The following SLC14A2 variants were observed in gnomAD, a reference collection of about 807,000 sequenced individuals.
SLC14A2 encodes the protein urea transporter 2.
A neutral mutation model predicts 104.6 loss-of-function variants in SLC14A2; 91 were observed. The ratio of observed to expected loss-of-function variants is 0.87; its 90% CI spans 0.73 to 1.04. SLC14A2 has a LOEUF of 1.04. Ranked by LOEUF, SLC14A2 falls within the 50% of genes least tolerant of loss-of-function variation. The pLI, the probability that SLC14A2 is intolerant of heterozygous loss-of-function variation, is 0.00. For synonymous variants in SLC14A2, 476 were observed against 466.4 expected (o/e 1.02, Z -0.27); for missense variants, 1,189 against 1,156.0 (o/e 1.03, Z -0.41).
Position 45,673,735 on chromosome 18 carries a change from C to CA in SLC14A2, c.2432dup (p.Asn811LysfsTer40). The CA allele has an allele frequency of 3.1e-6, 5 of 1,614,190 alleles. No homozygotes were observed. The highest frequency in any genetic ancestry group is 4.2e-6 in the Non-Finnish European group (5 of 1,180,024). On this transcript the variant is annotated frameshift_variant, in exon 18 of 20. Transcript: ENST00000255226. LOFTEE classifies it high-confidence loss of function. ...CCATCTACTTCGGCCTGTGTGGCTT[C>CA]AACAGCACCCTCGCATGCATAGCGA...
At chr18:45,194,972 C>A in the SLC14A2 span, among the ~76,000 whole-genome samples, 1 of 152,088 alleles carries the variant, frequency 6.6e-6, no homozygotes, top group Non-Finnish European at 1.5e-5. Flanking sequence ...GAATAATACT[C>A]TTGGAGATCT....
the SLC14A2 span, among the ~76,000 whole-genome samples, chr18:45,191,850 A>C: frequency 5.0e-4 from 76 of 152,202 alleles, no homozygotes; most frequent in African/African-American, 1.7e-3. Flanking sequence ...TAGATCTGGA[A>C]ACCATATCTT....
At chr18:45,456,767 T>G (rs63418060) in intron 1 of SLC14A2, among the ~76,000 whole-genome samples, 1 of 129,806 alleles carries the variant, frequency 7.7e-6, no homozygotes, top group African/African-American at 2.8e-5. Flanking sequence ...TTTTTTTTTT[T>G]GGATGACCTT....
At chr18:45,454,206 G>T (rs1330312730) in intron 1 of SLC14A2, among the ~76,000 whole-genome samples, 3 of 152,136 alleles carry the variant, frequency 2.0e-5, no homozygotes, top group Admixed American at 6.5e-5. Flanking sequence ...CTGGGGAAGG[G>T]TGGGGAATCC....
chr18:45,510,954 T>A (rs541236432), intron 2 of SLC14A2, among the ~76,000 whole-genome samples: 1 of 152,338 alleles, frequency 6.6e-6, no homozygotes, highest in South Asian at 2.1e-4. Flanking sequence ...TAATAAGACT[T>A]CTTTTTCCCC....
rs2044259856 is a variant in SLC14A2 at position 45,565,930 on chromosome 18, T to C, written c.-34-58701T>C. Among the ~76,000 whole-genome samples the C allele has an allele frequency of 2.6e-5, 4 of 152,206 alleles. No homozygotes were observed. In the South Asian group the frequency reaches 8.3e-4, roughly 31 times the overall value. The stretch of plus-strand genomic sequence containing the variant: ...TACGCTGACACCTCAGCTCCAGCTC[T>C]ATCCCCAGATAAAGTCACAAGGCAC... On this transcript the variant is annotated intron_variant, in intron 2 of 20. Transcript: ENST00000586448.
chr18:45,362,821 G>GT (rs2085626154), intron 1 of SLC14A2, among the ~76,000 whole-genome samples: 1 of 152,202 alleles, frequency 6.6e-6, no homozygotes, highest in Non-Finnish European at 1.5e-5. Flanking sequence ...TCAGCCACAG[G>GT]TAAGTGGCCT....
chr18:45,533,535 G>T (rs562383229), intron 2 of SLC14A2, among the ~76,000 whole-genome samples: 1 of 152,010 alleles, frequency 6.6e-6, no homozygotes, highest in African/African-American at 2.4e-5. Context: ...CTGTGGGATC[G>T]GTGGTGATAT....
intron 2 of SLC14A2, among the ~76,000 whole-genome samples, chr18:45,536,281 C>G (rs946929640): frequency 3.3e-5 from 5 of 152,194 alleles, no homozygotes; most frequent in African/African-American, 9.7e-5. Context: ...TTCCCAGTAC[C>G]TGGGTACTCT....
At chr18:45,579,227 G>T (rs1252798589) in intron 2 of SLC14A2, among the ~76,000 whole-genome samples, 1 of 152,244 alleles carries the variant, frequency 6.6e-6, no homozygotes, top group Non-Finnish European at 1.5e-5. Context: ...CTCTTGATAA[G>T]AAATGCTACA....
chr18:45,665,688 C>CTTTCTTTTTTTTTT (rs371437384), intron 11 of SLC14A2, among the ~76,000 whole-genome samples: 1 of 79,296 alleles, frequency 1.3e-5, no homozygotes, highest in African/African-American at 5.5e-5. Context: ...AACCAAGTTT[C>CTTTCTTTTTTTTTT]TTTTTTTTTT....
rs149023453 is a variant in SLC14A2, at chr18:45,525,102, C to G, written c.-35+41780C>G. ...AAGGATACCTCTTGGGGGTAATTCC[C>G]AAGATGTTTTTGAAATCTTTGCATA... On this transcript the variant is annotated intron_variant, in intron 2 of 20. Coordinates refer to the SLC14A2 transcript ENST00000586448. Among the ~76,000 whole-genome samples, 503 of 149,162 alleles carry G rather than the reference C, an allele frequency of 3.4e-3. 1 individual carries two copies. The highest frequency in any genetic ancestry group is 0.014 in the Middle Eastern group (4 of 294).
chr18:45,492,535 C>T (rs187204492), intron 2 of SLC14A2, among the ~76,000 whole-genome samples: 2 of 152,246 alleles, frequency 1.3e-5, no homozygotes, highest in East Asian at 3.9e-4. Flanking sequence ...GAAGAAACTG[C>T]CCCCATAATC....
intron 1 of SLC14A2, among the ~76,000 whole-genome samples, chr18:45,379,386 T>C (rs755862513): frequency 6.6e-6 from 1 of 152,206 alleles, no homozygotes; most frequent in Non-Finnish European, 1.5e-5. Flanking sequence ...CTTCTGTGTG[T>C]GGCCTTTCCC....
intron 10 of SLC14A2, among the ~76,000 whole-genome samples, chr18:45,649,180 A>AAAAAAC (rs10693896): frequency 0.54 from 80,968 of 150,942 alleles, 22,353 homozygotes; most frequent in African/African-American, 0.68. Flanking sequence ...TCTCAAAAAC[A>AAAAAAC]AAAAACAAAA....
intron 2 of SLC14A2, among the ~76,000 whole-genome samples, chr18:45,515,158 T>C (rs529857416): frequency 2.0e-5 from 3 of 152,322 alleles, no homozygotes; most frequent in South Asian, 4.1e-4. Flanking sequence ...AAGTAGTTTG[T>C]GGATAAATAT....
At chr18:45,513,255 C>G (rs2043392939) in intron 2 of SLC14A2, among the ~76,000 whole-genome samples, 1 of 152,154 alleles carries the variant, frequency 6.6e-6, no homozygotes, top group South Asian at 2.1e-4. Context: ...GCCTCTGGAT[C>G]AAAATCTGCT....
intron 1 of SLC14A2, among the ~76,000 whole-genome samples, chr18:45,316,876 C>T (rs1683237320): frequency 6.6e-6 from 1 of 152,226 alleles, no homozygotes; most frequent in African/African-American, 2.4e-5. Context: ...CTGTGCTCTC[C>T]TCCCAAGGGT....
At chr18:45,379,544 A>G (rs1444514141) in intron 1 of SLC14A2, among the ~76,000 whole-genome samples, 7 of 152,180 alleles carry the variant, frequency 4.6e-5, no homozygotes, top group Non-Finnish European at 8.8e-5. Flanking sequence ...TGCACTCCAC[A>G]TACCCATGAT....
Sources: gnomAD v4.1 joint callset for allele counts (sites outside exome capture counted in the v4.1 genomes callset) on GRCh38, gnomAD v4.1.1 for gene constraint, MANE v1.5 for transcripts, NCBI Gene and HGNC (gene_info 2026-07-23, HGNC 2026-07-21) for gene names.